FRMD4A: variants seen among roughly 807,000 people sequenced by gnomAD.
FRMD4A encodes FERM domain-containing protein 4A.
A neutral mutation model predicts 129.1 loss-of-function variants in FRMD4A; 29 were observed. That is an observed-to-expected ratio of 0.22 (90% CI 0.17 to 0.31). The LOEUF (loss-of-function observed/expected upper bound fraction) is 0.31, where lower values mean the gene tolerates loss of function less well. Ranked by LOEUF, FRMD4A falls within the 10% of genes least tolerant of loss-of-function variation. The pLI, the probability that FRMD4A is intolerant of heterozygous loss-of-function variation, is 1.00. For synonymous variants in FRMD4A, 634 were observed against 571.6 expected (o/e 1.11, Z -1.56); for missense variants, 1,272 against 1,375.8 (o/e 0.92, Z 1.19).
chr10:13,801,891 G>A (rs1429390348), intron 4 of FRMD4A, among the ~76,000 whole-genome samples: 2 of 150,842 alleles, frequency 1.3e-5, no homozygotes, highest in African/African-American at 4.9e-5. Flanking sequence ...AAGTCATAAA[G>A]AAGCATTTCC....
intron 6 of FRMD4A, among the ~76,000 whole-genome samples, chr10:13,779,135 G>T (rs1185413595): frequency 6.6e-6 from 1 of 152,024 alleles, no homozygotes. Context: ...TGACTAACAC[G>T]GTGAAACCCC....
intron 2 of FRMD4A, among the ~76,000 whole-genome samples, chr10:14,117,896 T>C (rs1838285860): frequency 6.6e-6 from 1 of 152,172 alleles, no homozygotes; most frequent in African/African-American, 2.4e-5. Flanking sequence ...TGGGCACCTA[T>C]ACTTGCAGAG....
intron 2 of FRMD4A, among the ~76,000 whole-genome samples, chr10:14,041,239 T>C (rs2131674719): frequency 6.6e-6 from 1 of 152,342 alleles, no homozygotes; most frequent in East Asian, 1.9e-4. Context: ...ACAGAGCTCT[T>C]TCTGTGCCTC....
chr10:14,268,617 A>G (rs1845058435), intron 2 of FRMD4A, among the ~76,000 whole-genome samples: 1 of 152,268 alleles, frequency 6.6e-6, no homozygotes, highest in South Asian at 2.1e-4. Context: ...GTGAAGATTA[A>G]CTAATATTTT....
chr10:14,120,524 C>T (rs1032797297), intron 2 of FRMD4A, among the ~76,000 whole-genome samples: 4 of 152,202 alleles, frequency 2.6e-5, no homozygotes, highest in Non-Finnish European at 4.4e-5. Flanking sequence ...ATCTTATTCA[C>T]TACTCAGTAG....
At chr10:14,094,966 G>A (rs1398736310) in intron 2 of FRMD4A, among the ~76,000 whole-genome samples, 6 of 152,190 alleles carry the variant, frequency 3.9e-5, no homozygotes, top group African/African-American at 1.4e-4. Flanking sequence ...AACCAAGAGT[G>A]TGGGGGGGAA....
chr10:14,276,774 T>C (rs1218355), intron 2 of FRMD4A, among the ~76,000 whole-genome samples: 94,110 of 152,164 alleles, frequency 0.62, 30,497 homozygotes, highest in African/African-American at 0.82. Context: ...CCCATCTTCC[T>C]GCTCTGTTCT....
intron 2 of FRMD4A, among the ~76,000 whole-genome samples, chr10:14,242,673 A>T (rs1844090398): frequency 6.6e-6 from 1 of 152,230 alleles, no homozygotes; most frequent in Non-Finnish European, 1.5e-5. Context: ...GATAGATGGA[A>T]CACAAGAGGG....
chr10:13,750,113 A>AAAGAAAGAAAGAAAGAAAGG (rs2091530774), intron 8 of FRMD4A, among the ~76,000 whole-genome samples: 5 of 108,158 alleles, frequency 4.6e-5, no homozygotes, highest in Admixed American at 1.8e-4. Flanking sequence ...AGAAATGAAG[A>AAAGAAAGAAAGAAAGAAAGG]AAGAAAGAAA....
At chr10:14,036,290 T>C (rs1027497231) in intron 2 of FRMD4A, among the ~76,000 whole-genome samples, 2 of 152,196 alleles carry the variant, frequency 1.3e-5, no homozygotes, top group Non-Finnish European at 2.9e-5. Context: ...TGAGTTATTA[T>C]GTTTCGCCCC....
rs2090847095 is a variant in FRMD4A at position 13,739,274 on chromosome 10, C to A, written c.672+920G>T. The stretch of plus-strand genomic sequence containing the variant: ...GGTGGGATAAAATCCTTGTATTAAA[C>A]CCCTGCCTCTGGGAAGCAGCTGTGT... On this transcript the variant is annotated intron_variant, in intron 11 of 24. Coordinates refer to ENST00000357447, the MANE Select transcript of FRMD4A (RefSeq NM_018027.5). Among the ~76,000 whole-genome samples the A allele has an allele frequency of 3.3e-5, 5 of 152,282 alleles. 1 individual carries two copies. In the South Asian group the frequency reaches 1.0e-3, roughly 32 times the overall value.
At chr10:13,944,289 G>A (rs550961116) in intron 2 of FRMD4A, among the ~76,000 whole-genome samples, 2 of 142,482 alleles carry the variant, frequency 1.4e-5, no homozygotes, top group African/African-American at 2.5e-5. Flanking sequence ...ACAGGAGCAC[G>A]AACCCTGTTC....
In FRMD4A at chr10:13,657,199, C is replaced by T. The variant is rs2082238439; in HGVS notation, c.2390G>A (p.Ser797Asn). ...CGCCAGGTTGGGCATGCTGCCCGAG[C>T]TGGCTGAGCCCAGTGCGCCCGCCGC... is the stretch of plus-strand genomic sequence containing the variant. Reference protein sequence around the residue: ...QRAAGALGSASSGSMPNLAAR... With the variant: ...QRAAGALGSANSGSMPNLAAR... The change falls in exon 22 of 25, where the codon AGC becomes AAC. Residue 797 changes from serine to asparagine, a missense_variant. Around this residue, in one of 2 missense-constraint regions of FRMD4A, gnomAD observed 972 missense variants for 892.3 expected, o/e 1.09. Transcript: ENST00000357447. The T allele has an allele frequency of 1.3e-6, 2 of 1,528,128 alleles. No homozygotes were observed. Among genetic ancestry groups the T allele is most frequent in the African/African-American group, 2.8e-5 (2 of 72,162 alleles). 94.7% of individuals were successfully genotyped at this position (1,528,128 alleles called of 1,614,324 possible).
intron 2 of FRMD4A, among the ~76,000 whole-genome samples, chr10:13,907,338 C>T (rs567518602): frequency 1.3e-5 from 2 of 152,104 alleles, no homozygotes; most frequent in Non-Finnish European, 2.9e-5. Context: ...TGTACATTAT[C>T]TATAATCTGC....
intron 2 of FRMD4A, among the ~76,000 whole-genome samples, chr10:14,007,703 T>C (rs1388229050): frequency 6.6e-6 from 1 of 152,176 alleles, no homozygotes; most frequent in East Asian, 1.9e-4. Flanking sequence ...AATGAGTATG[T>C]TTCAGTAAAC....
At chr10:14,237,527 C>A (rs1428347394) in intron 2 of FRMD4A, among the ~76,000 whole-genome samples, 1 of 151,976 alleles carries the variant, frequency 6.6e-6, no homozygotes, top group Non-Finnish European at 1.5e-5. Flanking sequence ...AATGGGGTTT[C>A]ACCATGTTGG....
chr10:14,151,654 C>CAT lies in FRMD4A; in HGVS notation c.45+178402_45+178403dup, dbSNP rs1197214566. Reference sequence around the variant, plus strand: ...TACCCTCTAAATAAAAAATAAAATTCATATATATATATGAAAAAACAGAAC... The same window carrying CAT: ...TACCCTCTAAATAAAAAATAAAATTCATATATATATATATGAAAAAACAGAAC... On this transcript the variant is annotated intron_variant, in intron 2 of 24. Coordinates refer to ENST00000357447, the MANE Select transcript of FRMD4A (RefSeq NM_018027.5). Among the ~76,000 whole-genome samples, 21 of 151,924 alleles carry CAT rather than the reference C, an allele frequency of 1.4e-4. No individual in the cohort carries two copies. The East Asian group carries it at 1.5e-3, about 11-fold the overall frequency.
chr10:14,216,879 T>A (rs950461144), intron 2 of FRMD4A, among the ~76,000 whole-genome samples: 3 of 152,166 alleles, frequency 2.0e-5, no homozygotes, highest in Non-Finnish European at 4.4e-5. Context: ...ACTCTCTTCT[T>A]TTGCATTCTG....
chr10:14,269,954 G>A (rs972372429), intron 2 of FRMD4A, among the ~76,000 whole-genome samples: 3 of 152,202 alleles, frequency 2.0e-5, no homozygotes, highest in Non-Finnish European at 4.4e-5. Context: ...CCTCAGTGGG[G>A]CCCAGATGGG....
Sources: allele counts gnomAD v4.1 joint callset (sites outside exome capture counted in the v4.1 genomes callset), GRCh38; gene constraint gnomAD v4.1.1; regional missense constraint gnomAD v4.1.1; transcripts MANE v1.5; gene names NCBI Gene and HGNC (gene_info 2026-07-23, HGNC 2026-07-21).